The following CHRDL1 variants were observed in gnomAD, a reference collection of about 807,000 sequenced individuals.
CHRDL1 encodes chordin like 1.
A neutral mutation model predicts 40.9 loss-of-function variants in CHRDL1; 19 were observed. The observed-to-expected ratio is 0.46, with a 90% confidence interval of 0.32 to 0.68. The LOEUF (loss-of-function observed/expected upper bound fraction) is 0.68. Among genes scored for constraint, CHRDL1 ranks in the 30% least tolerant of loss-of-function variants. The pLI is 0.03. For missense variants in CHRDL1, 329 were observed against 352.1 expected, an observed-to-expected ratio of 0.93 and a Z score of 0.53; for synonymous variants, 136 against 123.4, an observed-to-expected ratio of 1.10 and a Z score of -0.68.
intron 2 of CHRDL1, among the ~76,000 whole-genome samples, chrX:110,770,497 T>C (rs995049143): frequency 9.1e-6 from 1 of 109,493 alleles, no homozygotes; most frequent in African/African-American, 3.3e-5. Context: ...CTAGAAAAAG[T>C]AGGACAAAAT....
In CHRDL1 at chrX:110,698,151, T is replaced by G. The variant is rs373238140; in HGVS notation, c.609+2503A>C. ...AAAGGACAGTCTCCTGGATAAGAAA[T>G]CTGTTGTTAGGGCTGCCTTTTCTTC... is the stretch of plus-strand genomic sequence containing the variant. On this transcript the variant is annotated intron_variant, in intron 7 of 11. Coordinates refer to ENST00000372042, the MANE Select transcript of CHRDL1 (RefSeq NM_001143981.2). Among the ~76,000 whole-genome samples, 44 of 111,233 alleles carry G rather than the reference T, an allele frequency of 4.0e-4. No individual in the cohort carries two copies. In the South Asian group the frequency reaches 0.014, roughly 35 times the overall value.
chrX:110,681,373 G>T (rs1171323936), intron 10 of CHRDL1, 109 bp downstream of exon 10: 9 of 627,606 alleles, frequency 1.4e-5, no homozygotes, highest in South Asian at 5.7e-5. Flanking sequence ...CAATCAAAAA[G>T]AACTTTTAAT....
intron 4 of CHRDL1, among the ~76,000 whole-genome samples, chrX:110,731,955 T>C (rs1335616742): frequency 9.2e-6 from 1 of 108,765 alleles, no homozygotes; most frequent in Non-Finnish European, 1.9e-5. Context: ...AATTTTACAG[T>C]ATGTAAACCT....
At chrX:110,773,497 G>C (rs1382946152) in intron 2 of CHRDL1, among the ~76,000 whole-genome samples, 1 of 110,713 alleles carries the variant, frequency 9.0e-6, no homozygotes, top group Non-Finnish European at 1.9e-5. Flanking sequence ...GGGAGGCCGA[G>C]GCGGGCGAAT....
chrX:110,700,268 A>C (rs1486812950), intron 7 of CHRDL1, among the ~76,000 whole-genome samples: 3 of 111,398 alleles, frequency 2.7e-5, no homozygotes, highest in South Asian at 3.9e-4. Context: ...ACATGTCTGA[A>C]GTACCTACCA....
At chrX:110,682,676 C>G (rs2069926680) in intron 9 of CHRDL1, among the ~76,000 whole-genome samples, 2 of 112,282 alleles carry the variant, frequency 1.8e-5, no homozygotes, top group Non-Finnish European at 3.8e-5. Flanking sequence ...GCCAATCAGA[C>G]ACATTTGGAC....
intron 4 of CHRDL1, among the ~76,000 whole-genome samples, chrX:110,733,615 C>T (rs1280091124): frequency 9.0e-6 from 1 of 111,689 alleles, no homozygotes; most frequent in Non-Finnish European, 1.9e-5. Context: ...AGCATTAGAA[C>T]ACAGCATGCT....
At position 110,702,255 on chromosome X, in the gene CHRDL1, C is replaced by T. The variant is rs1261666549; in HGVS notation, c.542-1534G>A. ...CCATTGTTGCTTCCGTGCTGTAGCTCATGTTATTCTTCTTCTGAAATTACC... is the reference window on the plus strand; with the variant it reads ...CCATTGTTGCTTCCGTGCTGTAGCTTATGTTATTCTTCTTCTGAAATTACC... On this transcript the variant is annotated intron_variant, in intron 6 of 11. Coordinates refer to ENST00000372042, the MANE Select transcript of CHRDL1 (RefSeq NM_001143981.2). 4.5e-5 allele frequency among the ~76,000 whole-genome samples: 5 copies of T among 111,403 alleles called. No homozygotes were observed. In the Admixed American group the frequency reaches 4.8e-4, roughly 11 times the overall value.
intron 7 of CHRDL1, among the ~76,000 whole-genome samples, chrX:110,698,245 GGTCAAGAGCAA>G (rs1415598204): frequency 1.6e-4 from 18 of 111,056 alleles, no homozygotes; most frequent in Non-Finnish European, 1.9e-5. Context: ...ATTTTAGGCT[GGTCAAGAGCAA>G]ACAACAAATT....
rs1472456828 is a variant in CHRDL1 at position 110,689,474 on chromosome X, A to ATC, written c.779-673_779-672dup. Among the ~76,000 whole-genome samples the ATC allele has an allele frequency of 2.2e-4, 11 of 49,058 alleles. No individual in the cohort carries two copies. The African/African-American group carries it at 2.4e-3, about 11-fold the overall frequency. 42.6% of individuals were successfully genotyped at this position (49,058 alleles called of 115,157 possible). The stretch of plus-strand genomic sequence containing the variant: ...TCTATATATCTATATATATCTATAT[A>ATC]TCTATATATCTATATCTCTATATAT... On this transcript the variant is annotated intron_variant, in intron 8 of 11. Transcript: ENST00000372042.
At chrX:110,706,511 G>A (rs1603167612) in intron 6 of CHRDL1, among the ~76,000 whole-genome samples, 2 of 111,801 alleles carry the variant, frequency 1.8e-5, no homozygotes, top group East Asian at 5.6e-4. Flanking sequence ...GGGAGAACAA[G>A]TATTTGAAAA....
At chrX:110,728,679 G>T (rs1296100386) in intron 4 of CHRDL1, among the ~76,000 whole-genome samples, 1 of 112,129 alleles carries the variant, frequency 8.9e-6, no homozygotes. Context: ...GGCCCAAATG[G>T]AAGGAACATA....
intron 6 of CHRDL1, among the ~76,000 whole-genome samples, chrX:110,704,444 T>C (rs921549151): frequency 9.0e-6 from 1 of 111,716 alleles, no homozygotes; most frequent in Non-Finnish European, 1.9e-5. Flanking sequence ...GGGTATAGAC[T>C]AGTTGGGGAG....
chrX:110,745,735 G>A (rs197035), intron 4 of CHRDL1, among the ~76,000 whole-genome samples: 1 of 111,477 alleles, frequency 9.0e-6, no homozygotes, highest in African/African-American at 3.3e-5. Flanking sequence ...TTGTGAACTC[G>A]TCGAGGCAGG....
chrX:110,718,112 T>C (rs1427031781), intron 6 of CHRDL1, among the ~76,000 whole-genome samples: 1 of 112,161 alleles, frequency 8.9e-6, no homozygotes, highest in Non-Finnish European at 1.9e-5. Flanking sequence ...GAGCTAACAT[T>C]ATCCTCACTT....
intron 4 of CHRDL1, among the ~76,000 whole-genome samples, chrX:110,730,224 A>G (rs188905820): frequency 1.3e-4 from 15 of 112,352 alleles, no homozygotes; most frequent in African/African-American, 4.5e-4. Context: ...GCAGTCTTTC[A>G]CAGCCCTGTA....
chrX:110,763,370 T>A (rs1011646532), intron 2 of CHRDL1, among the ~76,000 whole-genome samples: 3 of 109,424 alleles, frequency 2.7e-5, no homozygotes, highest in African/African-American at 1.0e-4. Flanking sequence ...AGTGAGATCA[T>A]ACGATGTTCG....
At chrX:110,787,764 G>T (rs1036314642) in intron 2 of CHRDL1, among the ~76,000 whole-genome samples, 2 of 112,511 alleles carry the variant, frequency 1.8e-5, no homozygotes, top group Non-Finnish European at 3.8e-5. Context: ...TGACAATCTA[G>T]CTCCTTGAAG....
At chrX:110,785,151 G>C (rs1191847819) in intron 2 of CHRDL1, among the ~76,000 whole-genome samples, 1 of 111,609 alleles carries the variant, frequency 9.0e-6, no homozygotes, top group Non-Finnish European at 1.9e-5. Context: ...GAGAATAAAA[G>C]TTGAGCTCTT....
Sources: allele counts gnomAD v4.1 joint callset (sites outside exome capture counted in the v4.1 genomes callset), GRCh38; gene constraint gnomAD v4.1.1; transcripts MANE v1.5; gene names NCBI Gene and HGNC (gene_info 2026-07-23, HGNC 2026-07-21).